Variants in TRAK1 observed in about 807,000 individuals in gnomAD.
TRAK1 encodes the protein trafficking kinesin-binding protein 1.
Under a neutral mutation model 92.1 loss-of-function variants are expected in TRAK1, and 33 were observed. The observed-to-expected ratio is 0.36, with a 90% CI of 0.27 to 0.48. The LOEUF (loss-of-function observed/expected upper bound fraction) is 0.48. TRAK1 is among the 20% of genes least tolerant of loss of function. The pLI is 0.99. For synonymous variants in TRAK1, 521 were observed against 517.3 expected (o/e 1.01, Z -0.10); for missense variants, 1,123 against 1,257.9 (o/e 0.89, Z 1.62).
chr3:42,127,033 G>A (rs908995539), intron 2 of TRAK1, among the ~76,000 whole-genome samples: 12 of 152,168 alleles, frequency 7.9e-5, no homozygotes, highest in African/African-American at 2.9e-4. Context: ...AATTTCTAAT[G>A]TGTCTTGTAG....
chr3:42,211,202 A>G, intron 14 of TRAK1: 1 of 985,396 alleles, frequency 1.0e-6, no homozygotes, highest in Non-Finnish European at 1.2e-6. Context: ...CAGGGCAGGA[A>G]AGAGCTGAGG....
At position 42,140,990 on chromosome 3, in the gene TRAK1, G is replaced by A. The variant is rs192479517; in HGVS notation, c.286+15376G>A. Among the ~76,000 whole-genome samples the A allele has an allele frequency of 2.7e-4, 41 of 152,284 alleles. No homozygotes were observed. In the East Asian group the frequency reaches 6.4e-3, roughly 24 times the overall value. On this transcript the variant is annotated intron_variant, in intron 2 of 15. Transcript: ENST00000327628. Reference sequence around the variant, plus strand: ...GTTGTTTTGTTCAGATGGCCACATCGGGGCCTGGGCATGCCTGTGCTGATC... The same window carrying A: ...GTTGTTTTGTTCAGATGGCCACATCAGGGCCTGGGCATGCCTGTGCTGATC...
intron 2 of TRAK1, among the ~76,000 whole-genome samples, chr3:42,166,866 C>T (rs1352134440): frequency 3.3e-5 from 5 of 152,326 alleles, no homozygotes; most frequent in African/African-American, 1.2e-4. Flanking sequence ...AGACTAGGCA[C>T]CACACAGACA....
At chr3:42,161,258 C>T (rs1701242083) in intron 2 of TRAK1, among the ~76,000 whole-genome samples, 1 of 152,202 alleles carries the variant, frequency 6.6e-6, no homozygotes, top group South Asian at 2.1e-4. Context: ...GCTTTGGGGG[C>T]TGATCAGGAT....
At chr3:42,070,004 A>C (rs2148936204) in intron 1 of TRAK1, among the ~76,000 whole-genome samples, 1 of 151,918 alleles carries the variant, frequency 6.6e-6, no homozygotes, top group South Asian at 2.1e-4. Context: ...GGTGCCCGCC[A>C]CCACACCTGG....
chr3:42,147,246 T>C (rs1454883736), intron 2 of TRAK1, among the ~76,000 whole-genome samples: 4 of 152,164 alleles, frequency 2.6e-5, no homozygotes, highest in Non-Finnish European at 1.5e-5. Context: ...CCTAGAAAAC[T>C]GAAAATGTAT....
chr3:42,095,752 A>G (rs1317497621), intron 1 of TRAK1, among the ~76,000 whole-genome samples: 3 of 147,860 alleles, frequency 2.0e-5, no homozygotes, highest in Non-Finnish European at 4.5e-5. Flanking sequence ...ATCATCAGTC[A>G]TTTAATTAAA....
intron 2 of TRAK1, among the ~76,000 whole-genome samples, chr3:42,138,532 T>C (rs1278173106): frequency 6.6e-6 from 1 of 152,190 alleles, no homozygotes; most frequent in East Asian, 1.9e-4. Flanking sequence ...CAAGATCGTT[T>C]TATTTGTTGC....
chr3:42,157,916 CAGG>C (rs1700755928), intron 2 of TRAK1, among the ~76,000 whole-genome samples: 1 of 152,082 alleles, frequency 6.6e-6, no homozygotes, highest in African/African-American at 2.4e-5. Context: ...TTGTACTATC[CAGG>C]AGTTTTCTGT....
chr3:42,206,801 T>C (rs1708383902), intron 13 of TRAK1, among the ~76,000 whole-genome samples: 1 of 152,230 alleles, frequency 6.6e-6, no homozygotes, highest in Non-Finnish European at 1.5e-5. Flanking sequence ...TGCAAGTAAT[T>C]CCATGCATTT....
intron 2 of TRAK1, among the ~76,000 whole-genome samples, chr3:42,132,754 C>T (rs956404700): frequency 6.6e-6 from 1 of 152,052 alleles, no homozygotes; most frequent in African/African-American, 2.4e-5. Context: ...CTGTCTATAT[C>T]CTCTCTCCCA....
chr3:42,098,217 C>CT (rs939226778), intron 1 of TRAK1, among the ~76,000 whole-genome samples: 32 of 151,572 alleles, frequency 2.1e-4, no homozygotes, highest in South Asian at 1.7e-3. Flanking sequence ...CAATGGCTTT[C>CT]TTTTTTTTTC....
intron 2 of TRAK1, among the ~76,000 whole-genome samples, chr3:42,154,823 G>A (rs984585596): frequency 7.2e-5 from 11 of 152,182 alleles, no homozygotes; most frequent in African/African-American, 2.4e-4. Context: ...GAAGTGAAAT[G>A]TGAGTGAGGA....
rs1306381623 is a variant in TRAK1 at position 42,192,473 on chromosome 3, C to CCAAG, written c.770-602_770-601insCAAG. Among the ~76,000 whole-genome samples, 127 of 151,962 alleles carry CCAAG rather than the reference C, an allele frequency of 8.4e-4. 1 individual carries two copies. Among genetic ancestry groups the CCAAG allele is most frequent in the Non-Finnish European group, 1.5e-3 (99 of 67,964 alleles). ...AAGTATTTTGCATTTCGTCAAAGTACTAAGTATTTTGCATTTCGTCAAAGT... is the reference window on the plus strand; with the variant it reads ...AAGTATTTTGCATTTCGTCAAAGTACCAAGTAAGTATTTTGCATTTCGTCAAAGT... On this transcript the variant is annotated intron_variant, in intron 7 of 15. Transcript: ENST00000327628.
At chr3:42,092,966 A>G (rs1412277945) in intron 1 of TRAK1, among the ~76,000 whole-genome samples, 1 of 152,184 alleles carries the variant, frequency 6.6e-6, no homozygotes, top group Admixed American at 6.5e-5. Flanking sequence ...CAAATAAAAC[A>G]TTATGGAATT....
intron 1 of TRAK1, among the ~76,000 whole-genome samples, chr3:42,122,733 G>A (rs1258569090): frequency 1.3e-5 from 2 of 152,210 alleles, no homozygotes; most frequent in Non-Finnish European, 2.9e-5. Context: ...GCTAGTGGGA[G>A]ATGGGAAGAA....
At chr3:42,062,816 G>T (rs1703505817) in intron 1 of TRAK1, among the ~76,000 whole-genome samples, 1 of 152,174 alleles carries the variant, frequency 6.6e-6, no homozygotes, top group Admixed American at 6.5e-5. Context: ...TGTCCTGCCT[G>T]GTGGGACTTC....
Position 42,193,812 on chromosome 3 carries a change from GC to G in TRAK1, c.901-10del. On this transcript the variant is annotated splice_polypyrimidine_tract_variant and intron_variant, in intron 8 of 15. Coordinates refer to ENST00000327628, the MANE Select transcript of TRAK1 (RefSeq NM_001042646.3). ...GTATCTTAGGAAGTGATCTATCTTT[GC>G]CATGCTTTAGTGCGCAGTGGAAAAT... The G allele has an allele frequency of 2.5e-6, 4 of 1,614,090 alleles. No individual in the cohort carries two copies. Among genetic ancestry groups the G allele is most frequent in the Non-Finnish European group, 3.4e-6 (4 of 1,179,974 alleles).
chr3:42,224,068 A>C lies in TRAK1; in HGVS notation c.*331A>C, dbSNP rs1158220464. On this transcript the variant is annotated 3_prime_UTR_variant, in exon 16 of 16. Coordinates refer to ENST00000327628, the MANE Select transcript of TRAK1 (RefSeq NM_001042646.3). ...TCTTCTTTCCTTTTGAGAAGCACTG[A>C]AACTCCCAAGTGTGTTCTTATCCCA... 1.2e-5 allele frequency: 6 copies of C among 500,042 alleles called. No individual in the cohort carries two copies. Among genetic ancestry groups the C allele is most frequent in the Non-Finnish European group, 2.3e-5 (6 of 256,508 alleles). 31.0% of individuals were successfully genotyped at this position (500,042 alleles called of 1,614,324 possible).
Sources: allele counts gnomAD v4.1 joint callset (sites outside exome capture counted in the v4.1 genomes callset), GRCh38; gene constraint gnomAD v4.1.1; transcripts MANE v1.5; gene names NCBI Gene and HGNC (gene_info 2026-07-23, HGNC 2026-07-21).